Variants in FGF14 observed in about 807,000 individuals in gnomAD.
FGF14 encodes fibroblast growth factor homologous factor 4.
FGF14 carries 5 observed loss-of-function variants against 25.5 expected under a neutral mutation model. The observed-to-expected ratio is 0.20, with a 90% CI of 0.10 to 0.41. FGF14 has a LOEUF of 0.41. Among genes scored for constraint, FGF14 ranks in the 10% least tolerant of loss-of-function variants. The pLI is 1.00. For synonymous variants in FGF14, 138 were observed against 118.3 expected (o/e 1.17, Z -1.08); for missense variants, 222 against 320.1 (o/e 0.69, Z 2.34).
intron 3 of FGF14, among the ~76,000 whole-genome samples, chr13:101,764,205 T>C (rs1301627691): frequency 6.6e-6 from 1 of 152,196 alleles, no homozygotes; most frequent in Non-Finnish European, 1.5e-5. Context: ...CAATATACTT[T>C]CTTGTTGGCT....
chr13:102,179,897 C>G (rs2048598918), intron 1 of FGF14, among the ~76,000 whole-genome samples: 1 of 152,128 alleles, frequency 6.6e-6, no homozygotes, highest in Admixed American at 6.5e-5. Context: ...TGGTCAGCTT[C>G]TTTATATTAT....
At position 101,758,748 on chromosome 13, in the gene FGF14, T is replaced by G. The variant is rs1566864177; in HGVS notation, c.409-31938A>C. Among the ~76,000 whole-genome samples the G allele has an allele frequency of 2.0e-5, 3 of 152,194 alleles. 1 individual carries two copies. The South Asian group carries it at 6.2e-4, about 32-fold the overall frequency. The stretch of plus-strand genomic sequence containing the variant: ...TAACATCCTACAGGAACATATGTAG[T>G]GACTGAGTATAGATCAGCAGTCCTC... On this transcript the variant is annotated intron_variant, in intron 3 of 4. Coordinates refer to ENST00000376143, the MANE Select transcript of FGF14 (RefSeq NM_004115.4).
chr13:102,001,216 A>G (rs1045663392), intron 1 of FGF14, among the ~76,000 whole-genome samples: 6 of 152,238 alleles, frequency 3.9e-5, no homozygotes, highest in African/African-American at 1.4e-4. Flanking sequence ...ATTATTTAAG[A>G]ACAATTCTGG....
chr13:102,225,821 T>G (rs1246599112), intron 1 of FGF14, among the ~76,000 whole-genome samples: 1 of 152,198 alleles, frequency 6.6e-6, no homozygotes, highest in Non-Finnish European at 1.5e-5. Context: ...AATTATATTT[T>G]CCTTGAAAAC....
At chr13:101,960,357 A>T (rs2036770602) in intron 1 of FGF14, among the ~76,000 whole-genome samples, 1 of 152,020 alleles carries the variant, frequency 6.6e-6, no homozygotes. Context: ...TCCCTCCCCC[A>T]GCATACTCCA....
chr13:102,147,643 T>C (rs1203431610), intron 1 of FGF14, among the ~76,000 whole-genome samples: 3 of 152,306 alleles, frequency 2.0e-5, no homozygotes, highest in Admixed American at 6.5e-5. Flanking sequence ...GTACTACCTA[T>C]TTAGACCTTT....
chr13:101,860,388 T>A (rs561823259), intron 3 of FGF14, among the ~76,000 whole-genome samples: 1 of 152,030 alleles, frequency 6.6e-6, no homozygotes, highest in Non-Finnish European at 1.5e-5. Flanking sequence ...GCTCTATGTA[T>A]GGTCATGTCA....
intron 1 of FGF14, among the ~76,000 whole-genome samples, chr13:102,117,714 T>C (rs1312859369): frequency 6.6e-6 from 1 of 152,176 alleles, no homozygotes; most frequent in Non-Finnish European, 1.5e-5. Context: ...ATCCCAAGGA[T>C]AAGTCGTTTT....
chr13:101,885,815 T>A (rs866484599), intron 1 of FGF14, among the ~76,000 whole-genome samples: 1 of 152,144 alleles, frequency 6.6e-6, no homozygotes, highest in Non-Finnish European at 1.5e-5. Flanking sequence ...GAACCAGGTT[T>A]CAAGTGAATG....
At chr13:101,919,855 T>C (rs144187406), upstream of FGF14, among the ~76,000 whole-genome samples, 3 of 152,080 alleles carry the variant, frequency 2.0e-5, no homozygotes, top group East Asian at 5.8e-4. Context: ...ATACTCTTTC[T>C]TTCTCGAGCG....
At chr13:101,832,467 G>A (rs1009573873) in intron 3 of FGF14, among the ~76,000 whole-genome samples, 18 of 152,000 alleles carry the variant, frequency 1.2e-4, no homozygotes, top group African/African-American at 3.1e-4. Context: ...GGGAAGGAAC[G>A]TCATTAAATC....
intron 1 of FGF14, among the ~76,000 whole-genome samples, chr13:102,131,687 C>T (rs143834190): frequency 0.011 from 1,650 of 152,284 alleles, 24 homozygotes; most frequent in Admixed American, 0.019. Context: ...TTTAATGCCA[C>T]GGAGATTGCT....
At chr13:101,948,900 CTGTCTTATTTTTTA>C (rs1288629687) in intron 1 of FGF14, among the ~76,000 whole-genome samples, 1 of 151,430 alleles carries the variant, frequency 6.6e-6, no homozygotes, top group African/African-American at 2.4e-5. Context: ...GTTTTTTTTT[CTGTCTTATTTTTTA>C]AAATCACTGT....
intron 1 of FGF14, among the ~76,000 whole-genome samples, chr13:102,158,537 G>A (rs530595723): frequency 4.0e-5 from 6 of 150,910 alleles, no homozygotes; most frequent in Non-Finnish European, 5.9e-5. Flanking sequence ...GGGGTAGCGG[G>A]GGGGGGATAC....
chr13:102,169,211 C>T (rs184932147), intron 1 of FGF14, among the ~76,000 whole-genome samples: 15 of 151,906 alleles, frequency 9.9e-5, no homozygotes, highest in Admixed American at 3.3e-4. Context: ...CACAGCCTCA[C>T]CTGTGGAGCC....
chr13:101,850,774 C>G (rs570323773), intron 3 of FGF14, among the ~76,000 whole-genome samples: 109 of 148,512 alleles, frequency 7.3e-4, no homozygotes, highest in African/African-American at 2.6e-3. Flanking sequence ...GAACTATTGC[C>G]CAATAGATTT....
chr13:101,805,118 A>C (rs112411698), intron 3 of FGF14, among the ~76,000 whole-genome samples: 54 of 152,296 alleles, frequency 3.5e-4, no homozygotes, highest in Non-Finnish European at 7.4e-4. Context: ...TATGAATTTC[A>C]TGTGAAATTA....
At chr13:102,302,944 C>G (rs971417080) in intron 1 of FGF14, among the ~76,000 whole-genome samples, 1 of 152,166 alleles carries the variant, frequency 6.6e-6, no homozygotes, top group Non-Finnish European at 1.5e-5. Flanking sequence ...TCACTCAAAA[C>G]CCTTCAGTGT....
intron 1 of FGF14, among the ~76,000 whole-genome samples, chr13:102,050,011 C>T (rs1324125873): frequency 6.6e-6 from 1 of 152,178 alleles, no homozygotes; most frequent in Non-Finnish European, 1.5e-5. Flanking sequence ...TTTGTTATGA[C>T]AGCCCTCCTA....
Sources: gnomAD v4.1 joint callset for allele counts (sites outside exome capture counted in the v4.1 genomes callset) on GRCh38, gnomAD v4.1.1 for gene constraint, MANE v1.5 for transcripts, NCBI Gene and HGNC (gene_info 2026-07-23, HGNC 2026-07-21) for gene names.